Variants in CELSR1 observed in about 807,000 individuals in gnomAD.
The protein encoded by CELSR1 is cadherin EGF LAG seven-pass G-type receptor 1.
In CELSR1, 110 loss-of-function variants were observed where a neutral mutation model predicts 249.1. The observed-to-expected ratio is 0.44, with a 90% CI of 0.38 to 0.52. The LOEUF is 0.52. CELSR1 is among the 20% of genes least tolerant of loss of function. The pLI is 0.00. For synonymous variants in CELSR1, 2,113 were observed against 1,900.0 expected (o/e 1.11, Z -2.92); for missense variants, 4,109 against 4,296.4 (o/e 0.96, Z 1.22).
At chr22:46,510,909 G>A (rs1051970621) in intron 1 of CELSR1, among the ~76,000 whole-genome samples, 1 of 152,174 alleles carries the variant, frequency 6.6e-6, no homozygotes, top group Non-Finnish European at 1.5e-5. Context: ...GAGGTCAGGA[G>A]TTCGAGACCA....
At chr22:46,419,756 C>G (rs2079443847) in intron 5 of CELSR1, among the ~76,000 whole-genome samples, 1 of 143,454 alleles carries the variant, frequency 7.0e-6, no homozygotes, top group Non-Finnish European at 1.5e-5. Flanking sequence ...ATACTCAAAC[C>G]CACACGTGCA....
intron 2 of CELSR1, among the ~76,000 whole-genome samples, chr22:46,452,130 G>A (rs570681631): frequency 6.6e-5 from 10 of 151,902 alleles, no homozygotes; most frequent in East Asian, 5.8e-4. Flanking sequence ...TCAGCGCCCC[G>A]GTTTGTGATC....
At position 46,363,080 on chromosome 22, in the gene CELSR1, C is replaced by T. The variant is rs576971268; in HGVS notation, c.*143G>A. 26 of 1,553,274 alleles carry T rather than the reference C, an allele frequency of 1.7e-5. No individual in the cohort carries two copies. Among genetic ancestry groups the T allele is most frequent in the Middle Eastern group, 1.9e-4 (1 of 5,146 alleles). On this transcript the variant is annotated 3_prime_UTR_variant, in exon 35 of 35. Coordinates refer to ENST00000674500, the MANE Select transcript of CELSR1 (RefSeq NM_001378328.1). The surrounding 1 kb of genome is among the most constrained non-coding windows in gnomAD (Gnocchi z 4.3). ...GTCGGGGGGCTGCCACCATGGGGACCGCCACACTCTGGGCCCACTCCACTT... is the reference window on the plus strand; with the variant it reads ...GTCGGGGGGCTGCCACCATGGGGACTGCCACACTCTGGGCCCACTCCACTT...
chr22:46,508,292 CAGGTGTGCGGG>C (rs201698473), intron 1 of CELSR1, among the ~76,000 whole-genome samples: 5,822 of 143,116 alleles, frequency 0.041, 174 homozygotes, highest in South Asian at 0.12. Context: ...ACACACCCAG[CAGGTGTGCGGG>C]AGGATTTGCC....
chr22:46,507,952 G>A (rs1412853020), intron 1 of CELSR1, among the ~76,000 whole-genome samples: 2 of 152,154 alleles, frequency 1.3e-5, no homozygotes, highest in African/African-American at 4.8e-5. Flanking sequence ...CCACCCATCT[G>A]GCTGTTCCCA....
Position 46,473,521 on chromosome 22 carries a change from C to T in CELSR1, c.3545-9176G>A, listed in dbSNP as rs2147631907. ...TATTCACTGTGAGTCTCCGTCACCA[C>T]CCCATGCACCAAAGCCTGGGGGGCT... is the stretch of plus-strand genomic sequence containing the variant. On this transcript the variant is annotated intron_variant, in intron 1 of 34. Transcript: ENST00000674500. This position sits in a 1 kb window ranked among gnomAD's most constrained non-coding sequence, Gnocchi z 6.6. 6.6e-6 allele frequency among the ~76,000 whole-genome samples: 1 copy of T among 152,276 alleles called. No individual in the cohort carries two copies. The highest frequency in any genetic ancestry group is 2.1e-4 in the South Asian group (1 of 4,826).
At chr22:46,529,654 T>C (rs1281377534) in intron 1 of CELSR1, among the ~76,000 whole-genome samples, 2 of 151,524 alleles carry the variant, frequency 1.3e-5, no homozygotes, top group East Asian at 3.9e-4. Context: ...CATACAAAAA[T>C]TAGCTGGGTG....
At chr22:46,453,745 C>T (rs1022498128) in intron 2 of CELSR1, among the ~76,000 whole-genome samples, 1 of 152,160 alleles carries the variant, frequency 6.6e-6, no homozygotes, top group African/African-American at 2.4e-5. Flanking sequence ...CAGCAGCTCC[C>T]AGCAGCCCTG....
chr22:46,390,085 G>C lies in CELSR1; in HGVS notation c.6345+307C>G, dbSNP rs1323214637. 6.6e-6 allele frequency among the ~76,000 whole-genome samples: 1 copy of C among 152,232 alleles called. No individual in the cohort carries two copies. Among genetic ancestry groups the C allele is most frequent in the African/African-American group, 2.4e-5 (1 of 41,456 alleles). ...TGGGAGACGTGGGAACAAAAGCCAT[G>C]AAATAGGGCAGGATCAGAGGGCAAA... On this transcript the variant is annotated intron_variant, in intron 17 of 34. Transcript: ENST00000674500. The surrounding 1 kb of genome is among the most constrained non-coding windows in gnomAD (Gnocchi z 6.3).
chr22:46,391,665 G>A lies in CELSR1; in HGVS notation c.6116C>T (p.Pro2039Leu), dbSNP rs763660141. Reference protein sequence around the residue: ...IGRQCNRCDNPFAEVTTLGCE... With the variant: ...IGRQCNRCDNLFAEVTTLGCE... ...GCCGAGCGTGGTGACCTCGGCAAAC[G>A]GGTTGTCGCAGCGGTTGCACTGGCG... The change falls in exon 15 of 35, where the codon CCG becomes CTG. Residue 2039 changes from proline to leucine, a missense_variant. Pro to Leu is a moderately conservative substitution (Grantham distance 98). This residue lies in a region of CELSR1 where 1,805 missense variants were observed against 1,831.6 expected (regional missense o/e 0.99). Transcript: ENST00000674500. This position sits in a 1 kb window ranked among gnomAD's most constrained non-coding sequence, Gnocchi z 4.3. 7 of 1,607,062 alleles carry A rather than the reference G, an allele frequency of 4.4e-6. No homozygotes were observed. The highest frequency in any genetic ancestry group is 1.1e-5 in the South Asian group (1 of 90,508).
chr22:46,536,613 G>A lies in CELSR1; in HGVS notation c.558C>T (p.Ala186=). 2 of 1,174,792 alleles carry A rather than the reference G, an allele frequency of 1.7e-6. No individual in the cohort carries two copies. The allele number at this position is 1,174,792 out of a possible 1,614,324, so 72.8% of individuals were successfully genotyped here. Residue 186 remains alanine (A), a synonymous_variant, in exon 1 of 35, where the codon GCC becomes GCT. Transcript: ENST00000674500. ...GGSVRLRLLC[A]LRRAAGAVRV... ...GGACGGCGCCAGCCGCGCGCCGCAG[G>A]GCGCACAGCAGACGCAGGCGGACCG... is the stretch of plus-strand genomic sequence containing the variant.
chr22:46,517,833 T>C lies in CELSR1; in HGVS notation c.3544+15794A>G, dbSNP rs144011376. On this transcript the variant is annotated intron_variant, in intron 1 of 34. Transcript: ENST00000674500. This position sits in a 1 kb window ranked among gnomAD's most constrained non-coding sequence, Gnocchi z 5.4. ...CCAGAGGGAAAGGGAGGGTGAGCTG[T>C]CATCTGAAAGCACCCACCACCCTGT... Among the ~76,000 whole-genome samples the C allele has an allele frequency of 1.7e-4, 26 of 151,872 alleles. No individual in the cohort carries two copies. The East Asian group carries it at 4.5e-3, about 26-fold the overall frequency.
At chr22:46,422,943 G>A (rs1028042881) in intron 5 of CELSR1, among the ~76,000 whole-genome samples, 3 of 152,146 alleles carry the variant, frequency 2.0e-5, no homozygotes, top group Admixed American at 1.3e-4. Flanking sequence ...TAAGGGCCAC[G>A]ATGATGCCTC....
chr22:46,392,567 A>C (rs1463219549), intron 14 of CELSR1, among the ~76,000 whole-genome samples: 1 of 151,820 alleles, frequency 6.6e-6, no homozygotes, highest in Non-Finnish European at 1.5e-5. Context: ...TTGTTTTTTT[A>C]TTTTTTTGAG....
In CELSR1 at chr22:46,463,741, G is replaced by A. The variant is rs142490459; in HGVS notation, c.4149C>T (p.Gly1383=). 6.5e-4 allele frequency: 993 copies of A among 1,539,444 alleles called. 9 individuals carry two copies. In the African/African-American group the frequency reaches 0.012, roughly 19 times the overall value. The change falls in exon 2 of 35, where the codon GGC becomes GGT. Residue 1383 remains glycine, a synonymous_variant. Transcript: ENST00000674500. Reference sequence around the variant, plus strand: ...CCTCGAAGCACTCGCAGGTGTAGCCGCCCTCGCGGCTGCGGCAGCGGCCGT... The same window carrying A: ...CCTCGAAGCACTCGCAGGTGTAGCCACCCTCGCGGCTGCGGCAGCGGCCGT... ...GANGRCRSRE[G]GYTCECFEDF... is the part of the protein sequence containing the mutation.
chr22:46,409,629 C>A lies in CELSR1; in HGVS notation c.5059+126G>T, dbSNP rs2147326820. Reference sequence around the variant, plus strand: ...GGGCGGTGTGAGTCCACAGTAAATGCAGCATATACCACCAGAGGCTGCCGG... The same window carrying A: ...GGGCGGTGTGAGTCCACAGTAAATGAAGCATATACCACCAGAGGCTGCCGG... On this transcript the variant is annotated intron_variant, in intron 8 of 34. Transcript: ENST00000674500. This position sits in a 1 kb window ranked among gnomAD's most constrained non-coding sequence, Gnocchi z 9.8. 8.7e-7 allele frequency: 1 copy of A among 1,143,726 alleles called. No homozygotes were observed. Among genetic ancestry groups the A allele is most frequent in the Non-Finnish European group, 1.3e-6 (1 of 789,674 alleles). The allele number at this position is 1,143,726 out of a possible 1,614,324, so 70.8% of individuals were successfully genotyped here. A position where few individuals can be genotyped will look rare whatever the true frequency, so the allele number is the denominator to read the frequency against.
intron 32 of CELSR1, 33 bp downstream of exon 32, chr22:46,365,198 C>A: frequency 1.2e-6 from 2 of 1,602,562 alleles, no homozygotes; most frequent in Non-Finnish European, 8.5e-7. Context: ...CTGTCCACAG[C>A]CCAGCCTGGC....
In CELSR1 at chr22:46,428,738, C is replaced by A. The variant is rs536420287; in HGVS notation, c.4611+4655G>T. 5.0e-4 allele frequency among the ~76,000 whole-genome samples: 76 copies of A among 152,314 alleles called. No homozygotes were observed. The highest frequency in any genetic ancestry group is 9.7e-4 in the Non-Finnish European group (66 of 68,028). On this transcript the variant is annotated intron_variant, in intron 5 of 34. Coordinates refer to ENST00000674500, the MANE Select transcript of CELSR1 (RefSeq NM_001378328.1). The surrounding 1 kb of genome is among the most constrained non-coding windows in gnomAD (Gnocchi z 5.7). ...CACCGCCTCCCACATCTGCTTCATGCGGGATCTCCCAGCAGCTCTGGGCCT... is the reference window on the plus strand; with the variant it reads ...CACCGCCTCCCACATCTGCTTCATGAGGGATCTCCCAGCAGCTCTGGGCCT...
chr22:46,469,997 AG>A (rs1353434300), intron 1 of CELSR1, among the ~76,000 whole-genome samples: 17 of 84,922 alleles, frequency 2.0e-4, no homozygotes, highest in African/African-American at 3.1e-4. Flanking sequence ...GGAGGGAGGG[AG>A]GGAGAGGCAA....
Sources: gnomAD v4.1 joint callset for allele counts (sites outside exome capture counted in the v4.1 genomes callset) on GRCh38, gnomAD v4.1.1 for gene constraint, gnomAD v4.1.1 regional missense constraint, Gnocchi (gnomAD v3.1) non-coding constraint, MANE v1.5 for transcripts, NCBI Gene and HGNC (gene_info 2026-07-23, HGNC 2026-07-21) for gene names.